The following ZBTB10 variants were observed in gnomAD, a reference collection of about 807,000 sequenced individuals.
ZBTB10 encodes zinc finger and BTB domain-containing protein 10.
A neutral mutation model predicts 76.4 loss-of-function variants in ZBTB10; 32 were observed. That is an observed-to-expected ratio of 0.42 (90% CI 0.32 to 0.56). ZBTB10 has a LOEUF of 0.56. Among genes scored for constraint, ZBTB10 ranks in the 20% least tolerant of loss-of-function variants. ZBTB10 has a pLI of 0.14. For missense variants in ZBTB10, 1,057 were observed against 1,098.5 expected (o/e 0.96, Z 0.53); for synonymous variants, 523 against 432.9 (o/e 1.21, Z -2.58).
intron 1 of ZBTB10, among the ~76,000 whole-genome samples, chr8:80,490,952 C>G (rs569994617): frequency 1.3e-5 from 2 of 152,218 alleles, no homozygotes; most frequent in South Asian, 2.1e-4. Flanking sequence ...TTTTGTAATC[C>G]CAGCACTTTG....
At chr8:80,510,605 C>G (rs1167119336) in intron 2 of ZBTB10, among the ~76,000 whole-genome samples, 1 of 151,188 alleles carries the variant, frequency 6.6e-6, no homozygotes, top group African/African-American at 2.4e-5. Context: ...GTACCTGCCA[C>G]CAGTCAGAAA....
intron 2 of ZBTB10, among the ~76,000 whole-genome samples, chr8:80,506,288 T>G (rs1355590201): frequency 6.6e-6 from 1 of 152,110 alleles, no homozygotes; most frequent in Non-Finnish European, 1.5e-5. Flanking sequence ...TCCTTAAATG[T>G]GAATATTCAT....
At chr8:80,502,897 A>C (rs1257238536) in intron 2 of ZBTB10, among the ~76,000 whole-genome samples, 1 of 152,200 alleles carries the variant, frequency 6.6e-6, no homozygotes, top group Non-Finnish European at 1.5e-5. Context: ...GTGGTTCTTA[A>C]TCATGGGTAT....
intron 2 of ZBTB10, among the ~76,000 whole-genome samples, chr8:80,512,794 A>G (rs1247102945): frequency 6.6e-6 from 1 of 152,104 alleles, no homozygotes; most frequent in African/African-American, 2.4e-5. Flanking sequence ...TTATAGCTAA[A>G]TTTCTCAAAA....
chr8:80,510,639 A>AGTGTGGGGGTGTGTGTGTGT (rs60169757), intron 2 of ZBTB10, among the ~76,000 whole-genome samples: 2 of 125,688 alleles, frequency 1.6e-5, no homozygotes, highest in African/African-American at 6.1e-5. Context: ...TTGTGAAACC[A>AGTGTGGGGGTGTGTGTGTGT]GTGTGTGTGT....
At position 80,487,140 on chromosome 8, in the gene ZBTB10, G is replaced by T; in HGVS notation, c.330G>T (p.Ala110=). ...GCCCCACCTCGCTTGGCGGTGGCGC[G>T]GGGGGCCCCCTGCTAGCGGAAAGGA... ...AGGPTSLGGG[A]GGPLLAERNR... is the part of the protein sequence containing the mutation. The change falls in exon 1 of 6, where the codon GCG becomes GCT. Residue 110 remains alanine, a synonymous_variant. Coordinates refer to ENST00000455036, the MANE Select transcript of ZBTB10 (RefSeq NM_001105539.3). 3.3e-6 allele frequency: 5 copies of T among 1,510,602 alleles called. No homozygotes were observed. Among genetic ancestry groups the T allele is most frequent in the Non-Finnish European group, 2.6e-6 (3 of 1,132,676 alleles). 93.6% of individuals were successfully genotyped at this position (1,510,602 alleles called of 1,614,324 possible).
intron 2 of ZBTB10, among the ~76,000 whole-genome samples, chr8:80,506,301 G>T (rs931122777): frequency 6.6e-5 from 10 of 151,466 alleles, no homozygotes; most frequent in East Asian, 1.9e-4. Flanking sequence ...ATATTCATGG[G>T]TTTTTTTTCT....
In ZBTB10 at chr8:80,486,929, C is replaced by T; in HGVS notation, c.119C>T (p.Pro40Leu). The change falls in exon 1 of 6, where the codon CCG becomes CTG. Residue 40 changes from proline to leucine, a missense_variant. Around this residue, in one of 5 missense-constraint regions of ZBTB10, gnomAD observed 556 missense variants for 451.7 expected, o/e 1.23. Coordinates refer to ENST00000455036, the MANE Select transcript of ZBTB10 (RefSeq NM_001105539.3). The part of the protein sequence containing the change: ...NAGGEASAWP[P>L]QPQPRQPPPP... ...GGCGGGGAGGCCTCAGCTTGGCCTC[C>T]GCAGCCCCAGCCGAGACAGCCCCCG... The T allele has an allele frequency of 2.0e-6, 3 of 1,509,722 alleles. No individual in the cohort carries two copies. The highest frequency in any genetic ancestry group is 2.6e-6 in the Non-Finnish European group (3 of 1,133,264). The allele number at this position is 1,509,722 out of a possible 1,614,324, so 93.5% of individuals were successfully genotyped here.
intron 3 of ZBTB10, among the ~76,000 whole-genome samples, chr8:80,516,338 A>G (rs571180922): frequency 4.6e-5 from 7 of 152,372 alleles, no homozygotes; most frequent in African/African-American, 1.7e-4. Context: ...ATGTATTGGC[A>G]TTTGCTAGAT....
chr8:80,488,952 C>A (rs1284942946), intron 1 of ZBTB10, among the ~76,000 whole-genome samples: 1 of 152,206 alleles, frequency 6.6e-6, no homozygotes, highest in African/African-American at 2.4e-5. Context: ...AGGGCTTTAA[C>A]TTTAAAGCAC....
intron 2 of ZBTB10, among the ~76,000 whole-genome samples, chr8:80,510,261 C>A (rs1382791421): frequency 1.3e-5 from 2 of 152,174 alleles, no homozygotes; most frequent in Admixed American, 1.3e-4. Flanking sequence ...CTTCTGCACT[C>A]GTGTTCCCAG....
chr8:80,493,199 GCGCGCGCGCACA>G (rs1409304537), intron 1 of ZBTB10, among the ~76,000 whole-genome samples: 2 of 113,664 alleles, frequency 1.8e-5, no homozygotes, highest in African/African-American at 7.3e-5. Flanking sequence ...CAAAACGCGC[GCGCGCGCGCACA>G]CACACACACA....
Position 80,487,707 on chromosome 8 carries a change from C to G in ZBTB10, c.897C>G (p.Thr299=), listed in dbSNP as rs778607173. 148 of 1,613,738 alleles carry G rather than the reference C, an allele frequency of 9.2e-5. 5 individuals are homozygous for G. In the South Asian group the frequency reaches 1.6e-3, roughly 18 times the overall value. ...PVGHDELSRG[T]RNYKKTLLLR... ...GGCATGATGAGCTTTCGCGAGGGAC[C>G]CGCAACTACAAGAAAACCCTCCTCC... The change falls in exon 1 of 6, where the codon ACC becomes ACG. Residue 299 remains threonine (T), a synonymous_variant. Coordinates refer to ENST00000455036, the MANE Select transcript of ZBTB10 (RefSeq NM_001105539.3).
At chr8:80,495,287 C>T (rs976896248) in intron 1 of ZBTB10, among the ~76,000 whole-genome samples, 8 of 151,990 alleles carry the variant, frequency 5.3e-5, no homozygotes, top group Admixed American at 6.6e-5. Flanking sequence ...GAAATGTGCC[C>T]AAGTGCATAT....
In ZBTB10 at chr8:80,499,527, G is replaced by A. The variant is rs776504470; in HGVS notation, c.1006G>A (p.Asp336Asn). Reference protein sequence around the residue: ...SEIPSEEGYCDFNSRPNENSY... With the variant: ...SEIPSEEGYCNFNSRPNENSY... ...AATACCATCAGAGGAGGGGTACTGT[G>A]ACTTTAATAGTAGGCCAAATGAGAA... The change falls in exon 2 of 6, where the codon GAC (aspartate) becomes AAC (asparagine). Residue 336 changes from aspartate to asparagine, a missense_variant. Coordinates refer to ENST00000455036, the MANE Select transcript of ZBTB10 (RefSeq NM_001105539.3). 6.2e-7 allele frequency: 1 copy of A among 1,612,036 alleles called. No homozygotes were observed. Among genetic ancestry groups the A allele is most frequent in the South Asian group, 1.1e-5 (1 of 90,528 alleles).
At chr8:80,488,678 T>C (rs187536322) in intron 1 of ZBTB10, among the ~76,000 whole-genome samples, 1 of 152,368 alleles carries the variant, frequency 6.6e-6, no homozygotes, top group Non-Finnish European at 1.5e-5. Context: ...ACATTTCCAG[T>C]CTAAAGATAG....
rs569675178 is a variant in ZBTB10 at position 80,522,024 on chromosome 8, A to C, written c.*2496A>C. ...CCTATATAAAAATTTCTTTGAAGTAAACATTTTACCGGAAACAGAATTGAC... is the reference window on the plus strand; with the variant it reads ...CCTATATAAAAATTTCTTTGAAGTACACATTTTACCGGAAACAGAATTGAC... On this transcript the variant is annotated 3_prime_UTR_variant, in exon 6 of 6. Coordinates refer to ENST00000455036, the MANE Select transcript of ZBTB10 (RefSeq NM_001105539.3). 6.6e-6 allele frequency: 1 copy of C among 152,008 alleles called. No homozygotes were observed. The highest frequency in any genetic ancestry group is 1.5e-5 in the Non-Finnish European group (1 of 67,812). 9.4% of individuals were successfully genotyped at this position (152,008 alleles called of 1,614,324 possible). A position where few individuals can be genotyped will look rare whatever the true frequency, so the allele number is the denominator to read the frequency against.
At chr8:80,513,437 C>G (rs1194745665) in intron 2 of ZBTB10, among the ~76,000 whole-genome samples, 1 of 152,246 alleles carries the variant, frequency 6.6e-6, no homozygotes, top group Admixed American at 6.5e-5. Context: ...GCCCCCACTT[C>G]CAGCTAAGCA....
chr8:80,508,436 C>T (rs1816112321), intron 2 of ZBTB10, among the ~76,000 whole-genome samples: 1 of 152,244 alleles, frequency 6.6e-6, no homozygotes, highest in East Asian at 1.9e-4. Context: ...TATTTAAAAT[C>T]TAAAGACACT....
Sources: gnomAD v4.1 joint callset for allele counts (sites outside exome capture counted in the v4.1 genomes callset) on GRCh38, gnomAD v4.1.1 for gene constraint, gnomAD v4.1.1 regional missense constraint, MANE v1.5 for transcripts, NCBI Gene and HGNC (gene_info 2026-07-23, HGNC 2026-07-21) for gene names.